The following CACNA2D1 variants were observed in gnomAD, a reference collection of about 807,000 sequenced individuals.
CACNA2D1 encodes voltage-dependent calcium channel subunit alpha-2/delta-1.
CACNA2D1 carries 53 observed loss-of-function variants against 171.5 expected under a neutral mutation model. That is an observed-to-expected ratio of 0.31 (90% CI 0.25 to 0.39). CACNA2D1 has a LOEUF of 0.39. Among genes scored for constraint, CACNA2D1 ranks in the 10% least tolerant of loss-of-function variants. CACNA2D1 has a pLI of 1.00. For synonymous variants in CACNA2D1, 442 were observed against 443.1 expected, an observed-to-expected ratio of 1.00 and a Z score of 0.03; for missense variants, 903 against 1,299.8, an observed-to-expected ratio of 0.69 and a Z score of 4.69.
chr7:81,955,265 A>G (rs879336847), intron 38 of CACNA2D1, among the ~76,000 whole-genome samples: 3 of 151,994 alleles, frequency 2.0e-5, no homozygotes, highest in Admixed American at 1.3e-4. Context: ...CTACCATTCT[A>G]CCTTGCTTGT....
At chr7:82,111,428 G>GTGTGTGTATATA (rs1413914216) in intron 6 of CACNA2D1, among the ~76,000 whole-genome samples, 2 of 50,416 alleles carry the variant, frequency 4.0e-5, no homozygotes, top group African/African-American at 1.9e-4. Flanking sequence ...ATATATGTGT[G>GTGTGTGTATATA]TATATATATA....
At chr7:82,093,710 T>C (rs1395920293) in intron 6 of CACNA2D1, among the ~76,000 whole-genome samples, 2 of 152,166 alleles carry the variant, frequency 1.3e-5, no homozygotes, top group African/African-American at 2.4e-5. Context: ...GAATGCTGCA[T>C]TGAATACAGA....
chr7:82,167,148 T>C (rs1380704543), intron 4 of CACNA2D1, among the ~76,000 whole-genome samples: 13 of 152,072 alleles, frequency 8.5e-5, no homozygotes, highest in Non-Finnish European at 2.9e-5. Context: ...ATTAAAGAAA[T>C]ATTGCACAGA....
chr7:82,095,607 T>C (rs1811760162), intron 6 of CACNA2D1, among the ~76,000 whole-genome samples: 1 of 152,216 alleles, frequency 6.6e-6, no homozygotes, highest in African/African-American at 2.4e-5. Context: ...ACTTAACGTA[T>C]AACAGGCACG....
At chr7:81,969,464 TAA>T (rs1023770796) in intron 28 of CACNA2D1, among the ~76,000 whole-genome samples, 1 of 151,320 alleles carries the variant, frequency 6.6e-6, no homozygotes, top group Non-Finnish European at 1.5e-5. Context: ...TTTTGGGAAA[TAA>T]GTCAATAAAA....
intron 7 of CACNA2D1, among the ~76,000 whole-genome samples, chr7:82,070,205 C>A (rs1268739414): frequency 6.6e-6 from 1 of 152,136 alleles, no homozygotes; most frequent in African/African-American, 2.4e-5. Flanking sequence ...AGATGACTGT[C>A]ATTAGAAGAA....
At chr7:82,204,898 G>A (rs1331356063) in intron 3 of CACNA2D1, among the ~76,000 whole-genome samples, 1 of 152,202 alleles carries the variant, frequency 6.6e-6, no homozygotes, top group Non-Finnish European at 1.5e-5. Flanking sequence ...GACTCAGCGA[G>A]TTTGGAGCAC....
intron 6 of CACNA2D1, among the ~76,000 whole-genome samples, chr7:82,112,579 A>G (rs369720135): frequency 6.6e-6 from 1 of 152,150 alleles, no homozygotes; most frequent in East Asian, 1.9e-4. Context: ...TTATACAACT[A>G]TCAGATCTAT....
chr7:82,351,953 C>T (rs1283836408), intron 1 of CACNA2D1, among the ~76,000 whole-genome samples: 1 of 151,812 alleles, frequency 6.6e-6, no homozygotes, highest in Non-Finnish European at 1.5e-5. Flanking sequence ...ATCCCTTTAG[C>T]TCGAAACTGA....
chr7:82,368,911 T>C (rs1822042247), intron 1 of CACNA2D1, among the ~76,000 whole-genome samples: 1 of 152,206 alleles, frequency 6.6e-6, no homozygotes, highest in Admixed American at 6.5e-5. Context: ...TAAGTTCATC[T>C]TAGATCATTC....
At chr7:82,060,165 A>AGT in intron 10 of CACNA2D1, among the ~76,000 whole-genome samples, 1 of 22,232 alleles carries the variant, frequency 4.5e-5, no homozygotes, top group South Asian at 2.6e-3. Flanking sequence ...ATATATATAT[A>AGT]ATATATATAT....
At chr7:82,110,077 A>T (rs1041643228) in intron 6 of CACNA2D1, among the ~76,000 whole-genome samples, 3 of 152,118 alleles carry the variant, frequency 2.0e-5, no homozygotes, top group African/African-American at 7.2e-5. Flanking sequence ...TCCTGTTCTT[A>T]TACCTTTTAT....
At chr7:82,373,909 A>G (rs1435010559) in intron 1 of CACNA2D1, among the ~76,000 whole-genome samples, 2 of 152,248 alleles carry the variant, frequency 1.3e-5, no homozygotes, top group Non-Finnish European at 2.9e-5. Flanking sequence ...GTGTACGAAA[A>G]AAGTAAATCA....
At chr7:82,096,722 C>T (rs1264252363) in intron 6 of CACNA2D1, among the ~76,000 whole-genome samples, 1 of 149,968 alleles carries the variant, frequency 6.7e-6, no homozygotes, top group Non-Finnish European at 1.5e-5. Context: ...ACAGATGGCA[C>T]AAAAGAGTAT....
intron 3 of CACNA2D1, among the ~76,000 whole-genome samples, chr7:82,274,902 A>T (rs1379166983): frequency 6.1e-5 from 9 of 146,350 alleles, no homozygotes; most frequent in African/African-American, 2.3e-4. Flanking sequence ...TGGCCAATAT[A>T]TTTTGTTCCA....
chr7:82,205,398 G>A (rs933296809), intron 3 of CACNA2D1, among the ~76,000 whole-genome samples: 3 of 151,940 alleles, frequency 2.0e-5, no homozygotes, highest in Non-Finnish European at 4.4e-5. Context: ...GTAGTAATGG[G>A]GGCAGTACCT....
chr7:82,105,313 A>T (rs1787609696), intron 6 of CACNA2D1, among the ~76,000 whole-genome samples: 1 of 151,872 alleles, frequency 6.6e-6, no homozygotes, highest in African/African-American at 2.4e-5. Context: ...TACAGAGGAT[A>T]ATCAATTTTA....
chr7:82,148,687 G>A (rs1793436981), intron 4 of CACNA2D1, among the ~76,000 whole-genome samples: 1 of 152,098 alleles, frequency 6.6e-6, no homozygotes, highest in Non-Finnish European at 1.5e-5. Context: ...CGACCAGCTG[G>A]AGTGCAGTGG....
At chr7:82,109,911 G>T (rs879775593) in intron 6 of CACNA2D1, among the ~76,000 whole-genome samples, 2 of 152,152 alleles carry the variant, frequency 1.3e-5, no homozygotes, top group Non-Finnish European at 2.9e-5. Context: ...ACTTCTGTTA[G>T]GTTCTATATT....
Sources: gnomAD v4.1 joint callset for allele counts (sites outside exome capture counted in the v4.1 genomes callset) on GRCh38, gnomAD v4.1.1 for gene constraint, MANE v1.5 for transcripts, NCBI Gene and HGNC (gene_info 2026-07-23, HGNC 2026-07-21) for gene names.